EXOC4: variants seen among roughly 807,000 people sequenced by gnomAD.
The protein encoded by EXOC4 is exocyst complex component 4, also known as SEC8-like 1.
EXOC4 carries 71 observed loss-of-function variants against 107.2 expected under a neutral mutation model. The ratio of observed to expected loss-of-function variants is 0.66; its 90% confidence interval spans 0.55 to 0.81. The LOEUF is 0.81. Ranked by LOEUF, EXOC4 falls within the 30% of genes least tolerant of loss-of-function variation. The pLI is 0.00. For synonymous variants in EXOC4, 456 were observed against 441.2 expected (o/e 1.03, Z -0.42); for missense variants, 1,108 against 1,189.6 (o/e 0.93, Z 1.01).
intron 6 of EXOC4, among the ~76,000 whole-genome samples, chr7:133,361,772 T>C (rs915303109): frequency 1.3e-5 from 2 of 152,210 alleles, no homozygotes; most frequent in African/African-American, 2.4e-5. Flanking sequence ...TGTCATGATA[T>C]CTGGGTTATA....
In EXOC4 at chr7:133,921,453, T is replaced by A. The variant is rs377026652; in HGVS notation, c.2027+3715T>A. ...AGCCCAGTCAAGCTGACATATAAAA[T>A]TAAACATCACAACTGAGGATTGTTT... is the stretch of plus-strand genomic sequence containing the variant. On this transcript the variant is annotated intron_variant, in intron 13 of 17. Transcript: ENST00000253861. Among the ~76,000 whole-genome samples, 4 of 152,200 alleles carry A rather than the reference T, an allele frequency of 2.6e-5. No individual in the cohort carries two copies. The East Asian group carries it at 5.8e-4, about 22-fold the overall frequency.
At chr7:133,902,871 A>C (rs544805322) in intron 12 of EXOC4, among the ~76,000 whole-genome samples, 41 of 151,758 alleles carry the variant, frequency 2.7e-4, no homozygotes, top group Admixed American at 1.5e-3. Context: ...CAAAACAAAA[A>C]AAAAAAGAAT....
chr7:133,726,584 T>A (rs943603139), intron 10 of EXOC4, among the ~76,000 whole-genome samples: 3 of 152,230 alleles, frequency 2.0e-5, no homozygotes, highest in Admixed American at 2.0e-4. Flanking sequence ...GGCTCTGCAA[T>A]TTTGCATTTC....
chr7:133,457,020 G>A (rs187176617), intron 7 of EXOC4, among the ~76,000 whole-genome samples: 16 of 152,256 alleles, frequency 1.1e-4, no homozygotes, highest in Admixed American at 3.3e-4. Flanking sequence ...TCATCTTTTC[G>A]TGGGCAATAC....
chr7:133,917,975 A>C (rs1799848431), intron 13 of EXOC4, among the ~76,000 whole-genome samples: 1 of 151,702 alleles, frequency 6.6e-6, no homozygotes, highest in Admixed American at 6.6e-5. Context: ...GCTAAATTGG[A>C]TTAAAATATC....
intron 5 of EXOC4, among the ~76,000 whole-genome samples, chr7:133,351,380 G>T (rs1584842097): frequency 6.6e-6 from 1 of 151,930 alleles, no homozygotes; most frequent in East Asian, 1.9e-4. Flanking sequence ...ACTAGTTATA[G>T]ATCTATTTGG....
chr7:133,364,300 A>G (rs931514809), intron 6 of EXOC4, among the ~76,000 whole-genome samples: 2 of 151,422 alleles, frequency 1.3e-5, no homozygotes, highest in Non-Finnish European at 2.9e-5. Flanking sequence ...CTAGCTATTT[A>G]AAGTATTTTT....
chr7:133,622,424 G>T (rs1452196744), intron 9 of EXOC4, among the ~76,000 whole-genome samples: 3 of 152,052 alleles, frequency 2.0e-5, no homozygotes, highest in African/African-American at 7.2e-5. Context: ...CATCCAGGGA[G>T]CTCTCACCAG....
intron 7 of EXOC4, among the ~76,000 whole-genome samples, chr7:133,392,333 A>G (rs1449907480): frequency 3.3e-5 from 5 of 152,172 alleles, no homozygotes; most frequent in Non-Finnish European, 7.3e-5. Flanking sequence ...GACATAGGCT[A>G]AAAATGGAGC....
At chr7:133,306,557 G>C (rs1271929521) in intron 4 of EXOC4, among the ~76,000 whole-genome samples, 1 of 152,026 alleles carries the variant, frequency 6.6e-6, no homozygotes, top group Non-Finnish European at 1.5e-5. Flanking sequence ...AAAATTAGCT[G>C]GGTATAGTGG....
chr7:133,357,893 A>C (rs1230063232), intron 6 of EXOC4, among the ~76,000 whole-genome samples: 1 of 152,188 alleles, frequency 6.6e-6, no homozygotes, highest in African/African-American at 2.4e-5. Flanking sequence ...AGAATGTTTC[A>C]AAGTAAATAT....
intron 9 of EXOC4, among the ~76,000 whole-genome samples, chr7:133,570,461 G>A (rs532976895): frequency 2.0e-5 from 3 of 152,224 alleles, no homozygotes; most frequent in Middle Eastern, 3.4e-3. Context: ...TTTCACCATC[G>A]TGGTTTTCAG....
intron 10 of EXOC4, among the ~76,000 whole-genome samples, chr7:133,655,873 T>C (rs1803280378): frequency 6.6e-6 from 1 of 152,204 alleles, no homozygotes; most frequent in South Asian, 2.1e-4. Flanking sequence ...ACCAGTGACA[T>C]TGTTGTTTGT....
intron 10 of EXOC4, among the ~76,000 whole-genome samples, chr7:133,694,460 A>G (rs1000286063): frequency 6.6e-6 from 1 of 152,148 alleles, no homozygotes; most frequent in African/African-American, 2.4e-5. Flanking sequence ...TATTATTTCC[A>G]TTCCTCTCCC....
At chr7:133,900,046 G>A (rs1428289672) in intron 12 of EXOC4, among the ~76,000 whole-genome samples, 1 of 152,130 alleles carries the variant, frequency 6.6e-6, no homozygotes, top group South Asian at 2.1e-4. Context: ...GTGTTGAGCA[G>A]CACCATCACT....
At chr7:133,437,984 G>C (rs975693479) in intron 7 of EXOC4, among the ~76,000 whole-genome samples, 1 of 152,012 alleles carries the variant, frequency 6.6e-6, no homozygotes, top group African/African-American at 2.4e-5. Context: ...AATTTTAAAA[G>C]CTCCTCTTCT....
At position 133,766,630 on chromosome 7, in the gene EXOC4, C is replaced by T. The variant is rs1796143388; in HGVS notation, c.1515-50695C>T. Among the ~76,000 whole-genome samples, 6 of 151,916 alleles carry T rather than the reference C, an allele frequency of 3.9e-5. No homozygotes were observed. In the South Asian group the frequency reaches 1.2e-3, roughly 31 times the overall value. Reference sequence around the variant, plus strand: ...CACATGGTTCATCTGCTGAAGGAAACATTTTCATCCTTTAAGGAAAACCTT... The same window carrying T: ...CACATGGTTCATCTGCTGAAGGAAATATTTTCATCCTTTAAGGAAAACCTT... On this transcript the variant is annotated intron_variant, in intron 10 of 17. Transcript: ENST00000253861.
intron 14 of EXOC4, among the ~76,000 whole-genome samples, chr7:133,991,345 ATTC>A (rs1216708323): frequency 6.6e-6 from 1 of 152,028 alleles, no homozygotes; most frequent in Non-Finnish European, 1.5e-5. Flanking sequence ...TATTCTGGTT[ATTC>A]ATCCCTTGCC....
At chr7:133,433,304 C>A (rs1436466120) in intron 7 of EXOC4, among the ~76,000 whole-genome samples, 1 of 152,194 alleles carries the variant, frequency 6.6e-6, no homozygotes, top group East Asian at 1.9e-4. Context: ...CATCCAATTG[C>A]TATTGGACTT....
Sources: allele counts gnomAD v4.1 joint callset (sites outside exome capture counted in the v4.1 genomes callset), GRCh38; gene constraint gnomAD v4.1.1; transcripts MANE v1.5; gene names NCBI Gene and HGNC (gene_info 2026-07-23, HGNC 2026-07-21).